LATS2: variants seen among roughly 807,000 people sequenced by gnomAD.
The protein encoded by LATS2 is serine/threonine-protein kinase LATS2.
A neutral mutation model predicts 76.0 loss-of-function variants in LATS2; 24 were observed. The ratio of observed to expected loss-of-function variants is 0.32; its 90% confidence interval spans 0.23 to 0.44. LATS2 has a LOEUF of 0.44. Ranked by LOEUF, LATS2 falls within the 20% of genes least tolerant of loss-of-function variation. The pLI is 1.00. For synonymous variants in LATS2, 692 were observed against 635.4 expected (o/e 1.09, Z -1.34); for missense variants, 1,286 against 1,481.2 (o/e 0.87, Z 2.16).
intron 2 of LATS2, among the ~76,000 whole-genome samples, chr13:21,010,862 G>A (rs1392864973): frequency 6.6e-6 from 1 of 152,222 alleles, no homozygotes; most frequent in Non-Finnish European, 1.5e-5. Context: ...CAACCAATCA[G>A]AACTAAGCAA....
intron 2 of LATS2, among the ~76,000 whole-genome samples, chr13:20,996,473 A>G (rs1029896656): frequency 6.6e-6 from 1 of 150,660 alleles, no homozygotes; most frequent in Admixed American, 6.7e-5. Flanking sequence ...CATCTCCCAG[A>G]TTCAAACAAT....
chr13:21,039,148 A>G (rs1872782659), intron 2 of LATS2, among the ~76,000 whole-genome samples: 1 of 152,196 alleles, frequency 6.6e-6, no homozygotes. Context: ...CACTAAGAAA[A>G]AAAAAGGGGA....
At position 20,981,592 on chromosome 13, in the gene LATS2, T is replaced by G. The variant is rs1221806563; in HGVS notation, c.2539A>C (p.Asn847His). Residue 847 changes from asparagine to histidine, a missense_variant, in exon 6 of 8, where the codon AAC becomes CAC. Physicochemically the swap from Asn to His is moderately conservative, Grantham distance 68. Coordinates refer to ENST00000382592, the MANE Select transcript of LATS2 (RefSeq NM_014572.3). ...EPSDLWDDVS[N>H]CRCGDRLKTL... ...TTCAGCCTGTCCCCACACCGACAGT[T>G]AGACACATCATCCCAGAGGTCGCTG... The G allele has an allele frequency of 6.2e-7, 1 of 1,614,214 alleles. No homozygotes were observed. The highest frequency in any genetic ancestry group is 1.7e-5 in the Admixed American group (1 of 60,028).
At chr13:21,007,624 GTATA>G (rs71200322) in intron 2 of LATS2, among the ~76,000 whole-genome samples, 53 of 532 alleles carry the variant, frequency 0.1, 13 homozygotes, top group South Asian at 0.25. Context: ...TATATATAGT[GTATA>G]TATATATATA....
chr13:21,023,673 AAAAAAAAAAAC>A lies in LATS2; in HGVS notation c.342+22001_342+22011del, dbSNP rs1488269570. On this transcript the variant is annotated intron_variant, in intron 2 of 7. Coordinates refer to ENST00000382592, the MANE Select transcript of LATS2 (RefSeq NM_014572.3). ...AAAAAAAAAAAAAAAAAAAAAAAAA[AAAAAAAAAAAC>A]AAACCTCGGCCGGGCGCAGTGGCTG... Among the ~76,000 whole-genome samples, 185 of 28,066 alleles carry A rather than the reference AAAAAAAAAAAC, an allele frequency of 6.6e-3. 29 individuals are homozygous for A. Among genetic ancestry groups the A allele is most frequent in the African/African-American group, 0.011 (175 of 15,556 alleles). 18.4% of individuals were successfully genotyped at this position (28,066 alleles called of 152,430 possible).
intron 2 of LATS2, among the ~76,000 whole-genome samples, chr13:21,003,444 CT>C (rs60233146): frequency 0.25 from 35,616 of 142,344 alleles, 4,447 homozygotes; most frequent in African/African-American, 0.31. Context: ...CTTTTTTTTC[CT>C]TTTTTTTTTT....
intron 2 of LATS2, among the ~76,000 whole-genome samples, chr13:20,999,211 G>A (rs907869331): frequency 1.3e-5 from 2 of 152,258 alleles, no homozygotes; most frequent in African/African-American, 4.8e-5. Context: ...GCCACCTTGC[G>A]CGGATGCAGC....
intron 2 of LATS2, among the ~76,000 whole-genome samples, chr13:20,993,739 C>T (rs754827442): frequency 3.3e-4 from 50 of 152,238 alleles, no homozygotes; most frequent in Non-Finnish European, 5.7e-4. Context: ...CCACCTGGGA[C>T]AGGAGATAAG....
intron 2 of LATS2, among the ~76,000 whole-genome samples, chr13:21,031,212 T>C (rs1456328813): frequency 6.6e-6 from 1 of 152,230 alleles, no homozygotes; most frequent in Non-Finnish European, 1.5e-5. Flanking sequence ...GCTCTTGGTT[T>C]ATTAAGCTTC....
At chr13:20,993,870 C>T (rs1231035583) in intron 2 of LATS2, among the ~76,000 whole-genome samples, 3 of 152,216 alleles carry the variant, frequency 2.0e-5, no homozygotes, top group African/African-American at 4.8e-5. Context: ...GAGCTTTTGG[C>T]GCCCATTAAA....
In LATS2 at chr13:21,006,207, GA is replaced by G. The variant is rs34939626; in HGVS notation, c.343-14804del. Among the ~76,000 whole-genome samples the G allele has an allele frequency of 5.2e-3, 749 of 143,446 alleles. 2 individuals are homozygous for G. Among genetic ancestry groups the G allele is most frequent in the Middle Eastern group, 0.014 (4 of 280 alleles). 94.1% of individuals were successfully genotyped at this position (143,446 alleles called of 152,430 possible). On this transcript the variant is annotated intron_variant, in intron 2 of 7. Transcript: ENST00000382592. ...TCTGCCTCAGCTTATCATGTGTGAGGAAAAAAAAAAAAAATCACAGCAAGCA... is the reference window on the plus strand; with the variant it reads ...TCTGCCTCAGCTTATCATGTGTGAGGAAAAAAAAAAAAATCACAGCAAGCA...
At position 20,973,978 on chromosome 13, in the gene LATS2, C is replaced by CCG; in HGVS notation, c.*891_*892insCG. 5.0e-6 allele frequency: 1 copy of CCG among 199,756 alleles called. No homozygotes were observed. The allele number at this position is 199,756 out of a possible 1,614,324, so 12.4% of individuals were successfully genotyped here. On this transcript the variant is annotated 3_prime_UTR_variant, in exon 8 of 8. Coordinates refer to ENST00000382592, the MANE Select transcript of LATS2 (RefSeq NM_014572.3). ...TATGACAAATGTTTCAGTTCCCCCC[C>CCG]CCCAAAGAATCCAATCACAACCAAG...
chr13:20,974,767 T>C lies in LATS2; in HGVS notation c.*103A>G. On this transcript the variant is annotated 3_prime_UTR_variant, in exon 8 of 8. Coordinates refer to ENST00000382592, the MANE Select transcript of LATS2 (RefSeq NM_014572.3). ...TCAAGTGAAGTAATCGACGGACTAA[T>C]TTAAAACAAAACAGCCCTCGGCTTC... The C allele has an allele frequency of 2.3e-6, 3 of 1,285,600 alleles. No homozygotes were observed. The South Asian group carries it at 4.4e-5, about 19-fold the overall frequency. 79.6% of individuals were successfully genotyped at this position (1,285,600 alleles called of 1,614,324 possible).
chr13:21,004,073 C>T (rs977933525), intron 2 of LATS2, among the ~76,000 whole-genome samples: 1 of 152,170 alleles, frequency 6.6e-6, no homozygotes, highest in African/African-American at 2.4e-5. Flanking sequence ...TAAAAAGCAG[C>T]ACACAAAGAA....
At chr13:20,993,035 C>CAAAAAAAAAAAAAA (rs551359225) in intron 2 of LATS2, among the ~76,000 whole-genome samples, 1 of 88,974 alleles carries the variant, frequency 1.1e-5, no homozygotes, top group African/African-American at 5.2e-5. Flanking sequence ...ACTCCATCTC[C>CAAAAAAAAAAAAAA]AAAAAAAAAA....
At chr13:21,023,036 C>T (rs1013923594) in intron 2 of LATS2, 3 of 152,258 alleles carry the variant, frequency 2.0e-5, no homozygotes, top group Admixed American at 1.3e-4. Flanking sequence ...ACCCTCTAGT[C>T]CAGCCCAGCA....
In LATS2 at chr13:20,975,271, C is replaced by A; in HGVS notation, c.2866G>T (p.Asp956Tyr). The change falls in exon 8 of 8, where the codon GAC becomes TAC. Residue 956 changes from aspartate (D) to tyrosine (Y), a missense_variant. By Grantham distance (160) the Asp-to-Tyr change is radical (BLOSUM62 -3). Around this residue, in one of 5 missense-constraint regions of LATS2, gnomAD observed 210 missense variants for 234.9 expected, o/e 0.89. Transcript: ENST00000382592. The part of the protein sequence containing the change: ...DLITKLCCSA[D>Y]HRLGRNGADD... ...GCCCCATTCCGCCCCAGGCGGTGGTCTGCGGAGCAGCACAGCTTGGTGATG... is the reference window on the plus strand; with the variant it reads ...GCCCCATTCCGCCCCAGGCGGTGGTATGCGGAGCAGCACAGCTTGGTGATG... 6.2e-7 allele frequency: 1 copy of A among 1,614,146 alleles called. No homozygotes were observed. The highest frequency in any genetic ancestry group is 8.5e-7 in the Non-Finnish European group (1 of 1,179,992).
intron 1 of LATS2, among the ~76,000 whole-genome samples, chr13:21,049,948 C>T (rs1873206124): frequency 6.6e-6 from 1 of 152,012 alleles, no homozygotes. Context: ...CAGTGAAACG[C>T]TGTCTCTACT....
intron 2 of LATS2, among the ~76,000 whole-genome samples, chr13:21,040,593 G>A (rs1035577524): frequency 6.6e-6 from 1 of 152,118 alleles, no homozygotes; most frequent in Non-Finnish European, 1.5e-5. Context: ...CAAGCGGGAA[G>A]AGCTGTCTGG....
Sources: gnomAD v4.1 joint callset for allele counts (sites outside exome capture counted in the v4.1 genomes callset) on GRCh38, gnomAD v4.1.1 for gene constraint, gnomAD v4.1.1 regional missense constraint, MANE v1.5 for transcripts, NCBI Gene and HGNC (gene_info 2026-07-23, HGNC 2026-07-21) for gene names.